The following SLC49A3 variants were observed in gnomAD, a reference collection of about 807,000 sequenced individuals.
SLC49A3 encodes solute carrier family 49 member A3.
Under a neutral mutation model 43.8 loss-of-function variants are expected in SLC49A3, and 50 were observed. That is an observed-to-expected ratio of 1.14 (90% CI 0.91 to 1.45). The LOEUF is 1.45. Ranked by LOEUF, SLC49A3 falls within the 40% of genes most tolerant of loss-of-function variation. SLC49A3 has a pLI of 0.00. For missense variants in SLC49A3, 906 were observed against 774.1 expected, an observed-to-expected ratio of 1.17 and a Z score of -2.02; for synonymous variants, 413 against 352.0, an observed-to-expected ratio of 1.17 and a Z score of -1.94.
At chr4:690,539 C>T (rs900534383), upstream of SLC49A3, among the ~76,000 whole-genome samples, 1 of 152,236 alleles carries the variant, frequency 6.6e-6, no homozygotes, top group East Asian at 1.9e-4. Context: ...CCCCTAACCC[C>T]ACCTGGCAGA....
Position 682,387 on chromosome 4 carries a change from A to G in SLC49A3, c.1262-11T>C. On this transcript the variant is annotated splice_polypyrimidine_tract_variant and intron_variant, in intron 9 of 9. Transcript: ENST00000322224. ...TCAGCAGCAGAGACACTGGGGACAC[A>G]TAGCACAGCTGTCCCCACAGCCAAG... The G allele has an allele frequency of 7.5e-7, 1 of 1,330,714 alleles. No homozygotes were observed. Among genetic ancestry groups the G allele is most frequent in the Non-Finnish European group, 9.7e-7 (1 of 1,031,902 alleles). 82.4% of individuals were successfully genotyped at this position (1,330,714 alleles called of 1,614,324 possible).
At chr4:691,013 G>A (rs1304999690), upstream of SLC49A3, among the ~76,000 whole-genome samples, 1 of 152,220 alleles carries the variant, frequency 6.6e-6, no homozygotes, top group Non-Finnish European at 1.5e-5. Context: ...TGGGCCGGGT[G>A]CGGTGGCTCA....
In SLC49A3 at chr4:683,331, C is replaced by A. The variant is rs771654183; in HGVS notation, c.1030G>T (p.Ala344Ser). 1 of 1,612,216 alleles carries A rather than the reference C, an allele frequency of 6.2e-7. No individual in the cohort carries two copies. The highest frequency in any genetic ancestry group is 8.5e-7 in the Non-Finnish European group (1 of 1,179,582). Residue 344 changes from alanine to serine, a missense_variant, in exon 8 of 10, where the codon GCC becomes TCC. Ala to Ser is a moderately conservative substitution (Grantham distance 99). Coordinates refer to ENST00000322224, the MANE Select transcript of SLC49A3 (RefSeq NM_032219.4). ...QLQGQTLALA[A>S]TCSLLGLFGF... is the part of the protein sequence containing the mutation. ...AACAGCCCGAGCAGCGAGCAGGTGG[C>A]AGCCAGGGCAAGGGTCTGTCCCTGC...
intron 6 of SLC49A3, 121 bp downstream of exon 6, chr4:684,362 A>G (rs561826499): frequency 7.3e-7 from 1 of 1,363,682 alleles, no homozygotes; most frequent in Non-Finnish European, 1.0e-6. Flanking sequence ...CACAGCACAG[A>G]AGGGTGTCAA....
intron 1 of SLC49A3, among the ~76,000 whole-genome samples, chr4:687,597 C>T (rs971737468): frequency 4.6e-5 from 7 of 152,224 alleles, no homozygotes; most frequent in Admixed American, 6.5e-5. Flanking sequence ...CCTGGTTCCT[C>T]GGGGGCCTGA....
chr4:685,079 A>AC lies in SLC49A3; in HGVS notation c.586-224dup. Reference sequence around the variant, plus strand: ...TGTCAACGCATCCCTCACCAGTGACACCCTCCTGGCTGATGTTAGCCCAGC... The same window carrying AC: ...TGTCAACGCATCCCTCACCAGTGACACCCCTCCTGGCTGATGTTAGCCCAGC... On this transcript the variant is annotated intron_variant, in intron 4 of 9. Coordinates refer to ENST00000322224, the MANE Select transcript of SLC49A3 (RefSeq NM_032219.4). The surrounding 1 kb of genome is among the most constrained non-coding windows in gnomAD (Gnocchi z 4.3). 1.7e-6 allele frequency: 1 copy of AC among 577,876 alleles called. No homozygotes were observed. Among genetic ancestry groups the AC allele is most frequent in the South Asian group, 2.3e-5 (1 of 43,094 alleles). The allele number at this position is 577,876 out of a possible 1,614,324, so 35.8% of individuals were successfully genotyped here. A position where few individuals can be genotyped will look rare whatever the true frequency, so the allele number is the denominator to read the frequency against.
intron 6 of SLC49A3, 92 bp from the exon 7 acceptor site, chr4:683,853 T>G: frequency 7.0e-7 from 1 of 1,427,460 alleles, no homozygotes; most frequent in Non-Finnish European, 9.3e-7. Flanking sequence ...TAGGGCCGTG[T>G]GCTGTGCCCA....
intron 8 of SLC49A3, 135 bp from the exon 9 acceptor site, chr4:683,025 G>A (rs1740130769): frequency 1.8e-6 from 2 of 1,099,048 alleles, no homozygotes; most frequent in African/African-American, 1.6e-5. Context: ...CCTCGGTCAT[G>A]GGCCCTATCA....
downstream of SLC49A3, among the ~76,000 whole-genome samples, chr4:679,465 G>A (rs1440542258): frequency 2.0e-5 from 3 of 152,208 alleles, no homozygotes; most frequent in Non-Finnish European, 4.4e-5. Flanking sequence ...AGTGTGGTGG[G>A]GCACACTGCC....
chr4:679,210 G>A, downstream of SLC49A3: 2 of 726,158 alleles, frequency 2.8e-6, no homozygotes, highest in Non-Finnish European at 4.9e-6. Flanking sequence ...CATCAGAGCT[G>A]GCAGAGAGCA....
At chr4:681,147 C>T (rs1423751930), downstream of SLC49A3, 3 of 1,601,970 alleles carry the variant, frequency 1.9e-6, no homozygotes, top group Admixed American at 5.1e-5. Context: ...AGAGGTCTGG[C>T]CCGCGGCTTC....
downstream of SLC49A3, chr4:679,120 A>C (rs924380115): frequency 7.6e-7 from 1 of 1,315,314 alleles, no homozygotes; most frequent in Non-Finnish European, 1.1e-6. Context: ...CCCCTCCTCG[A>C]ATGGAGCCAG....
At chr4:682,976 T>G in intron 8 of SLC49A3, 86 bp from the exon 9 acceptor site, 1 of 1,261,612 alleles carries the variant, frequency 7.9e-7, no homozygotes, top group South Asian at 1.4e-5. Flanking sequence ...ACATCGGTGC[T>G]GTCCCTTGTG....
In SLC49A3 at chr4:682,062, C is replaced by A. The variant is rs758560241; in HGVS notation, c.1576G>T (p.Ala526Ser). The stretch of plus-strand genomic sequence containing the variant: ...GCGAGTCTGCCGGGGCGGGAGGGCG[C>A]GTCGGTGGCTGCTGGGCCTTGCGCA... ...PRAQGPAATDAPSRPGRLAGR... is the reference protein window; with the variant it reads ...PRAQGPAATDSPSRPGRLAGR... The change falls in exon 10 of 10, where the codon GCG becomes TCG. Residue 526 changes from alanine to serine, a missense_variant. Transcript: ENST00000322224. 7.1e-7 allele frequency: 1 copy of A among 1,410,058 alleles called. No homozygotes were observed. The highest frequency in any genetic ancestry group is 9.3e-7 in the Non-Finnish European group (1 of 1,070,108). 87.3% of individuals were successfully genotyped at this position (1,410,058 alleles called of 1,614,324 possible).
Position 682,706 on chromosome 4 carries a change from C to A in SLC49A3, c.1261+75G>T, listed in dbSNP as rs1201029857. 5 of 1,264,680 alleles carry A rather than the reference C, an allele frequency of 4.0e-6. No individual in the cohort carries two copies. The African/African-American group carries it at 7.4e-5, about 19-fold the overall frequency. 78.3% of individuals were successfully genotyped at this position (1,264,680 alleles called of 1,614,324 possible). ...TTAGGGCTCCCCACGTAGGGTTCAC[C>A]TGTCCCGCTCCCAGGGAATCTTCAC... On this transcript the variant is annotated intron_variant, in intron 9 of 9. Coordinates refer to ENST00000322224, the MANE Select transcript of SLC49A3 (RefSeq NM_032219.4).
intron 6 of SLC49A3, 85 bp from the exon 7 acceptor site, chr4:683,846 G>A (rs1740395584): frequency 1.4e-6 from 2 of 1,449,886 alleles, no homozygotes; most frequent in Admixed American, 2.7e-5. Flanking sequence ...CTCAGTGTAG[G>A]GCCGTGTGCT....
chr4:681,885 G>A lies in SLC49A3; in HGVS notation c.*73C>T. ...GCCCGCAAGGAGCCCTTTCGCCCCC[G>A]CCCGCAGGTGGACCAGATGTTCCAG... is the stretch of plus-strand genomic sequence containing the variant. On this transcript the variant is annotated 3_prime_UTR_variant, in exon 10 of 10. Transcript: ENST00000322224. 1.5e-6 allele frequency: 2 copies of A among 1,313,644 alleles called. No homozygotes were observed. Among genetic ancestry groups the A allele is most frequent in the Admixed American group, 3.1e-5 (1 of 32,446 alleles). The allele number at this position is 1,313,644 out of a possible 1,614,324, so 81.4% of individuals were successfully genotyped here. A position where few individuals can be genotyped will look rare whatever the true frequency, so the allele number is the denominator to read the frequency against.
downstream of SLC49A3, chr4:679,203 C>T (rs753833065): frequency 2.7e-6 from 2 of 733,180 alleles, no homozygotes; most frequent in South Asian, 3.0e-5. Flanking sequence ...TTGGTTCCAT[C>T]AGAGCTGGCA....
At chr4:678,212 G>C, downstream of SLC49A3, 1 of 1,508,398 alleles carries the variant, frequency 6.6e-7, no homozygotes, top group Non-Finnish European at 8.9e-7. Context: ...GTGACCTTGC[G>C]GGTGTGGGCT....
Sources: allele counts gnomAD v4.1 joint callset (sites outside exome capture counted in the v4.1 genomes callset), GRCh38; gene constraint gnomAD v4.1.1; non-coding constraint Gnocchi (gnomAD v3.1); transcripts MANE v1.5; gene names NCBI Gene and HGNC (gene_info 2026-07-23, HGNC 2026-07-21).